The following FER variants were observed in gnomAD, a reference collection of about 807,000 sequenced individuals.
FER encodes FER tyrosine kinase, also known as tyrosine-protein kinase Fer.
Under a neutral mutation model 111.0 loss-of-function variants are expected in FER, and 63 were observed. The observed-to-expected ratio is 0.57, with a 90% confidence interval of 0.46 to 0.70. The LOEUF (loss-of-function observed/expected upper bound fraction) is 0.70. FER is among the 30% of genes least tolerant of loss of function. FER has a pLI of 0.00. For synonymous variants in FER, 327 were observed against 313.9 expected, an observed-to-expected ratio of 1.04 and a Z score of -0.44; for missense variants, 914 against 954.0, an observed-to-expected ratio of 0.96 and a Z score of 0.55.
At chr5:108,865,673 T>G (rs567034139) in intron 5 of FER, among the ~76,000 whole-genome samples, 2 of 152,240 alleles carry the variant, frequency 1.3e-5, no homozygotes, top group East Asian at 3.9e-4. Context: ...AGAAAATTTT[T>G]GCAATCTACT....
At chr5:109,079,706 G>T (rs917149159) in intron 16 of FER, among the ~76,000 whole-genome samples, 3 of 152,008 alleles carry the variant, frequency 2.0e-5, no homozygotes, top group Non-Finnish European at 4.4e-5. Flanking sequence ...CCCAGGAAAG[G>T]TTATGGTTAC....
chr5:109,132,229 C>G (rs899368724), intron 17 of FER, among the ~76,000 whole-genome samples: 3 of 152,186 alleles, frequency 2.0e-5, no homozygotes, highest in African/African-American at 7.2e-5. Context: ...AATATCACAT[C>G]TGATATTATG....
At chr5:108,788,817 T>C (rs184615139) in intron 2 of FER, among the ~76,000 whole-genome samples, 10 of 152,342 alleles carry the variant, frequency 6.6e-5, no homozygotes, top group Non-Finnish European at 1.5e-4. Context: ...CTCAAAGTAG[T>C]TCCATATTCT....
intron 1 of FER, among the ~76,000 whole-genome samples, chr5:108,754,710 T>A (rs1286771456): frequency 2.0e-5 from 3 of 152,224 alleles, no homozygotes; most frequent in Non-Finnish European, 4.4e-5. Context: ...GTACAAAAAT[T>A]GAAATTAGTT....
At chr5:108,786,525 G>T (rs904351888) in intron 2 of FER, among the ~76,000 whole-genome samples, 1 of 152,074 alleles carries the variant, frequency 6.6e-6, no homozygotes, top group African/African-American at 2.4e-5. Context: ...TTTTGAGACG[G>T]AGTCTTGCTC....
At chr5:109,039,289 A>G (rs991538170) in intron 14 of FER, among the ~76,000 whole-genome samples, 1 of 152,128 alleles carries the variant, frequency 6.6e-6, no homozygotes, top group African/African-American at 2.4e-5. Flanking sequence ...GCTATAGTCG[A>G]TAGTTGGTAT....
intron 3 of FER, among the ~76,000 whole-genome samples, chr5:108,808,352 C>T (rs559836175): frequency 6.6e-6 from 1 of 151,878 alleles, no homozygotes; most frequent in Admixed American, 6.6e-5. Context: ...TCATTAGTAT[C>T]ATTATTACTT....
At chr5:108,988,177 G>T (rs996839016) in intron 13 of FER, among the ~76,000 whole-genome samples, 1 of 152,084 alleles carries the variant, frequency 6.6e-6, no homozygotes, top group East Asian at 1.9e-4. Context: ...TTGATATTCT[G>T]TTGGATTCGG....
intron 3 of FER, among the ~76,000 whole-genome samples, chr5:108,829,446 T>C (rs1478448365): frequency 6.6e-6 from 1 of 152,198 alleles, no homozygotes; most frequent in East Asian, 1.9e-4. Context: ...AAGACCACCC[T>C]GAACAACATA....
chr5:109,146,761 C>T (rs1754264780), intron 17 of FER, among the ~76,000 whole-genome samples: 1 of 151,894 alleles, frequency 6.6e-6, no homozygotes, highest in Admixed American at 6.6e-5. Flanking sequence ...CAGAATGAAC[C>T]ACAGAGGTTA....
intron 16 of FER, among the ~76,000 whole-genome samples, chr5:109,088,620 G>A (rs3797844): frequency 0.034 from 5,241 of 152,214 alleles, 148 homozygotes; most frequent in South Asian, 0.085. Context: ...TACATAGCCA[G>A]TAATTGAGGA....
At position 108,838,371 on chromosome 5, in the gene FER, G is replaced by T. The variant is rs558906063; in HGVS notation, c.481+2564G>T. 2.6e-4 allele frequency among the ~76,000 whole-genome samples: 39 copies of T among 152,230 alleles called. 1 individual carries two copies. In the South Asian group the frequency reaches 7.3e-3, roughly 28 times the overall value. ...GAGTCATTACTTTAGACATTGGAAG[G>T]TCTTAGAAAAGTTATTTACAATCCC... On this transcript the variant is annotated intron_variant, in intron 5 of 19. Transcript: ENST00000281092.
At chr5:109,022,300 A>G (rs2149833610) in intron 13 of FER, among the ~76,000 whole-genome samples, 1 of 152,246 alleles carries the variant, frequency 6.6e-6, no homozygotes, top group East Asian at 1.9e-4. Context: ...TTTGAGGAAC[A>G]CATGGATGCA....
rs142731169 is a variant in FER, at chr5:108,954,845, G to A, written c.1446G>A (p.Val482=). The change falls in exon 12 of 20, where the codon GTG becomes GTA. Residue 482 remains valine (V), a synonymous_variant. Coordinates refer to ENST00000281092, the MANE Select transcript of FER (RefSeq NM_005246.4). The stretch of plus-strand genomic sequence containing the variant: ...TAAAAAAACAAGGAGACTTTTTGGT[G>A]CGAGAGAGTCATGGGAAACCTGGTG... ...ELLKKQGDFL[V]RESHGKPGEY... is the part of the protein sequence containing the mutation. 2.1e-4 allele frequency: 341 copies of A among 1,612,028 alleles called. No individual in the cohort carries two copies. The highest frequency in any genetic ancestry group is 2.7e-4 in the Non-Finnish European group (316 of 1,179,132).
At chr5:108,858,957 G>A (rs927889662) in intron 5 of FER, among the ~76,000 whole-genome samples, 3 of 151,988 alleles carry the variant, frequency 2.0e-5, no homozygotes, top group Admixed American at 6.5e-5. Flanking sequence ...TTGTATGTGT[G>A]TGTGTTTGTG....
chr5:108,938,864 A>C (rs1465411768), intron 10 of FER, among the ~76,000 whole-genome samples: 1 of 152,038 alleles, frequency 6.6e-6, no homozygotes, highest in Non-Finnish European at 1.5e-5. Context: ...AGAGTGGACA[A>C]AAATGTTTCC....
At chr5:108,941,128 G>T (rs60645164) in intron 10 of FER, among the ~76,000 whole-genome samples, 3 of 152,198 alleles carry the variant, frequency 2.0e-5, no homozygotes, top group African/African-American at 7.2e-5. Flanking sequence ...GCTGAGGGAG[G>T]ATGCTAGAAT....
At chr5:108,767,508 A>G (rs1752452332) in intron 1 of FER, among the ~76,000 whole-genome samples, 1 of 152,034 alleles carries the variant, frequency 6.6e-6, no homozygotes, top group Non-Finnish European at 1.5e-5. Flanking sequence ...GGTTTTTGAG[A>G]CAGTCTTGCT....
Position 109,052,028 on chromosome 5 carries a change from T to G in FER, c.1924+4830T>G, listed in dbSNP as rs927644875. The G allele has an allele frequency of 9.4e-6, 15 of 1,593,560 alleles. No homozygotes were observed. In the African/African-American group the frequency reaches 2.0e-4, roughly 21 times the overall value. On this transcript the variant is annotated intron_variant, in intron 16 of 19. Transcript: ENST00000281092. Reference sequence around the variant, plus strand: ...AGCAACCCCCCTTGCATTTTCACCTTACCATGCTCTTCAATACCATACTTG... The same window carrying G: ...AGCAACCCCCCTTGCATTTTCACCTGACCATGCTCTTCAATACCATACTTG...
Sources: gnomAD v4.1 joint callset for allele counts (sites outside exome capture counted in the v4.1 genomes callset) on GRCh38, gnomAD v4.1.1 for gene constraint, MANE v1.5 for transcripts, NCBI Gene and HGNC (gene_info 2026-07-23, HGNC 2026-07-21) for gene names.